Variants in CADPS2 observed in about 807,000 individuals in gnomAD.
CADPS2 encodes the protein calcium dependent secretion activator 2, also known as calcium-dependent secretion activator 2.
Under a neutral mutation model 172.5 loss-of-function variants are expected in CADPS2, and 93 were observed. The ratio of observed to expected loss-of-function variants is 0.54; its 90% CI spans 0.46 to 0.64. The LOEUF (loss-of-function observed/expected upper bound fraction) is 0.64, where lower values mean the gene tolerates loss of function less well. Ranked by LOEUF, CADPS2 falls within the 30% of genes least tolerant of loss-of-function variation. The probability of loss-of-function intolerance (pLI) is 0.00; values close to 1 mark genes in which losing one functional copy is unlikely to be tolerated. For missense variants in CADPS2, 1,420 were observed against 1,565.9 expected, an observed-to-expected ratio of 0.91 and a Z score of 1.57; for synonymous variants, 546 against 555.2, an observed-to-expected ratio of 0.98 and a Z score of 0.23.
chr7:122,737,883 G>A (rs1181103556), intron 1 of CADPS2, among the ~76,000 whole-genome samples: 1 of 152,098 alleles, frequency 6.6e-6, no homozygotes, highest in African/African-American at 2.4e-5. Flanking sequence ...CCCTAAGAAA[G>A]ATCCCTCTGG....
chr7:122,449,069 C>T (rs1412588048), intron 15 of CADPS2, among the ~76,000 whole-genome samples: 3 of 152,094 alleles, frequency 2.0e-5, no homozygotes, highest in Admixed American at 6.5e-5. Context: ...CTTGCCTGCT[C>T]GAGACCTGCA....
chr7:122,407,225 A>C (rs2046758042), intron 20 of CADPS2, among the ~76,000 whole-genome samples: 1 of 152,228 alleles, frequency 6.6e-6, no homozygotes, highest in Non-Finnish European at 1.5e-5. Flanking sequence ...CAAGTACTTT[A>C]GAAATGCCAG....
intron 5 of CADPS2, among the ~76,000 whole-genome samples, chr7:122,616,819 T>C (rs1040861657): frequency 1.3e-5 from 2 of 152,122 alleles, no homozygotes; most frequent in African/African-American, 2.4e-5. Flanking sequence ...GTTAGTAATA[T>C]GGAAATTTGT....
chr7:122,747,005 T>A (rs1389961416), intron 1 of CADPS2, among the ~76,000 whole-genome samples: 1 of 152,140 alleles, frequency 6.6e-6, no homozygotes, highest in African/African-American at 2.4e-5. Context: ...AAAAGGACCA[T>A]GATAATAGCC....
intron 2 of CADPS2, among the ~76,000 whole-genome samples, chr7:122,665,336 T>A (rs951812887): frequency 1.3e-5 from 2 of 152,164 alleles, no homozygotes; most frequent in African/African-American, 4.8e-5. Context: ...CTGTTTTTCT[T>A]GTTTCCTATC....
rs772105291 is a variant in CADPS2 at position 122,414,083 on chromosome 7, G to T, written c.2581-7C>A. The T allele has an allele frequency of 3.3e-6, 5 of 1,531,040 alleles. No homozygotes were observed. Among genetic ancestry groups the T allele is most frequent in the South Asian group, 1.2e-5 (1 of 80,536 alleles). The allele number at this position is 1,531,040 out of a possible 1,614,324, so 94.8% of individuals were successfully genotyped here. Reference sequence around the variant, plus strand: ...TTTTACTCACCTCTCTTCCCTGAGGGTTTCCAAGAATTTGGAAGCATTGCA... The same window carrying T: ...TTTTACTCACCTCTCTTCCCTGAGGTTTTCCAAGAATTTGGAAGCATTGCA... On this transcript the variant is annotated splice_polypyrimidine_tract_variant and splice_region_variant and intron_variant, in intron 18 of 29. Transcript: ENST00000449022.
At chr7:122,488,150 G>A (rs1054186095) in intron 11 of CADPS2, among the ~76,000 whole-genome samples, 1 of 152,032 alleles carries the variant, frequency 6.6e-6, no homozygotes, top group South Asian at 2.1e-4. Flanking sequence ...ATCAAAACTC[G>A]GAGGGAAAAA....
intron 1 of CADPS2, among the ~76,000 whole-genome samples, chr7:122,816,101 G>A (rs1346668167): frequency 6.6e-6 from 1 of 151,934 alleles, no homozygotes; most frequent in Non-Finnish European, 1.5e-5. Context: ...TCATGCTACT[G>A]AACATTAGAT....
intron 2 of CADPS2, among the ~76,000 whole-genome samples, chr7:122,668,562 G>GGACTT (rs752653652): frequency 3.9e-5 from 6 of 152,162 alleles, no homozygotes; most frequent in Admixed American, 3.9e-4. Context: ...AGTCAAGAGA[G>GGACTT]GAGACGGTTT....
At chr7:122,465,792 G>C (rs562714296) in intron 14 of CADPS2, among the ~76,000 whole-genome samples, 11 of 152,246 alleles carry the variant, frequency 7.2e-5, no homozygotes, top group Middle Eastern at 3.4e-3. Flanking sequence ...AAGTGGGAAA[G>C]CTCCCCAGTT....
At chr7:122,726,909 C>A (rs536264980) in intron 2 of CADPS2, among the ~76,000 whole-genome samples, 2 of 151,940 alleles carry the variant, frequency 1.3e-5, no homozygotes, top group African/African-American at 4.8e-5. Flanking sequence ...AACTAAATAA[C>A]TTCCTGAGGA....
At chr7:122,728,130 A>G (rs1376786617) in intron 2 of CADPS2, among the ~76,000 whole-genome samples, 2 of 151,896 alleles carry the variant, frequency 1.3e-5, no homozygotes, top group Non-Finnish European at 2.9e-5. Flanking sequence ...TGAAAAGTAA[A>G]TTTTTCTATT....
chr7:122,554,174 C>G (rs977349643), intron 8 of CADPS2, among the ~76,000 whole-genome samples: 26 of 142,114 alleles, frequency 1.8e-4, no homozygotes, highest in Admixed American at 1.8e-3. Context: ...TTTATACAGT[C>G]TATGGAAGTT....
chr7:122,503,019 G>A (rs1472133247), intron 9 of CADPS2, among the ~76,000 whole-genome samples: 2 of 141,272 alleles, frequency 1.4e-5, no homozygotes, highest in African/African-American at 2.6e-5. Context: ...AAGACTTCAA[G>A]GAGAAAAAAA....
intron 2 of CADPS2, among the ~76,000 whole-genome samples, chr7:122,683,976 CCT>C (rs1051552083): frequency 1.3e-5 from 2 of 151,974 alleles, no homozygotes; most frequent in African/African-American, 4.8e-5. Context: ...TGCCTTGTAC[CCT>C]GAGCTGCTAG....
At chr7:122,410,071 C>T (rs778936734) in intron 19 of CADPS2, among the ~76,000 whole-genome samples, 4 of 152,100 alleles carry the variant, frequency 2.6e-5, no homozygotes, top group South Asian at 4.1e-4. Flanking sequence ...TGGCAGGGTG[C>T]GGTGGCTCAC....
At chr7:122,435,587 G>A (rs893207126) in intron 17 of CADPS2, among the ~76,000 whole-genome samples, 8 of 152,090 alleles carry the variant, frequency 5.3e-5, no homozygotes, top group African/African-American at 1.9e-4. Context: ...GTAATTAGGT[G>A]CAGCCACTAT....
chr7:122,370,670 G>T (rs1411629776), intron 25 of CADPS2, among the ~76,000 whole-genome samples: 1 of 152,164 alleles, frequency 6.6e-6, no homozygotes, highest in Non-Finnish European at 1.5e-5. Flanking sequence ...TGCTTAGGAA[G>T]ATGTAAGATG....
At chr7:122,707,365 G>C (rs1233013146) in intron 2 of CADPS2, among the ~76,000 whole-genome samples, 1 of 151,850 alleles carries the variant, frequency 6.6e-6, no homozygotes. Flanking sequence ...CTATTATTAA[G>C]AGAGAAAAAA....
Sources: allele counts gnomAD v4.1 joint callset (sites outside exome capture counted in the v4.1 genomes callset), GRCh38; gene constraint gnomAD v4.1.1; transcripts MANE v1.5; gene names NCBI Gene and HGNC (gene_info 2026-07-23, HGNC 2026-07-21).